Variants in MACROD2 observed in about 807,000 individuals in gnomAD.
MACROD2 encodes mono-ADP ribosylhydrolase 2, also known as ADP-ribose glycohydrolase MACROD2.
MACROD2 carries 36 observed loss-of-function variants against 70.4 expected under a neutral mutation model. The observed-to-expected ratio is 0.51, with a 90% CI of 0.39 to 0.68. The LOEUF (loss-of-function observed/expected upper bound fraction) is 0.68. Among genes scored for constraint, MACROD2 ranks in the 30% least tolerant of loss-of-function variants. The pLI is 0.00. For synonymous variants in MACROD2, 172 were observed against 178.8 expected (o/e 0.96, Z 0.30); for missense variants, 496 against 538.4 (o/e 0.92, Z 0.78).
chr20:14,450,994 G>T (rs1484590548), intron 3 of MACROD2, among the ~76,000 whole-genome samples: 1 of 152,054 alleles, frequency 6.6e-6, no homozygotes, highest in Non-Finnish European at 1.5e-5. Flanking sequence ...GGACTCTTCA[G>T]GAAGATAATG....
At chr20:14,737,529 A>T (rs140577663) in intron 5 of MACROD2, among the ~76,000 whole-genome samples, 3,992 of 152,252 alleles carry the variant, frequency 0.026, 189 homozygotes, top group African/African-American at 0.09. Context: ...GAATCGCCAC[A>T]CTGTCTTCCA....
chr20:14,997,299 C>A (rs1568918377), intron 5 of MACROD2, among the ~76,000 whole-genome samples: 1 of 152,158 alleles, frequency 6.6e-6, no homozygotes. Flanking sequence ...TCTAGATCTA[C>A]CCTGGGCCAG....
intron 5 of MACROD2, among the ~76,000 whole-genome samples, chr20:14,816,536 A>C (rs938923237): frequency 6.6e-6 from 1 of 152,064 alleles, no homozygotes; most frequent in Non-Finnish European, 1.5e-5. Context: ...ATCTGTATAA[A>C]TTGATCACAT....
intron 3 of MACROD2, among the ~76,000 whole-genome samples, chr20:14,485,570 A>G (rs566796670): frequency 0.012 from 1,832 of 151,870 alleles, 23 homozygotes; most frequent in African/African-American, 0.02. Context: ...GCGTGGTGGC[A>G]GGCACCTGTA....
intron 5 of MACROD2, among the ~76,000 whole-genome samples, chr20:15,045,145 G>T (rs930115762): frequency 6.6e-6 from 1 of 152,100 alleles, no homozygotes; most frequent in African/African-American, 2.4e-5. Context: ...GAAAAGAAAA[G>T]AAAAGAAATG....
At chr20:15,172,445 T>C (rs1425876385) in intron 5 of MACROD2, among the ~76,000 whole-genome samples, 2 of 152,238 alleles carry the variant, frequency 1.3e-5, no homozygotes, top group East Asian at 3.8e-4. Flanking sequence ...AACATCCAGT[T>C]GTGCAGTCAT....
chr20:14,346,922 A>G (rs1215193247), intron 3 of MACROD2, among the ~76,000 whole-genome samples: 2 of 152,216 alleles, frequency 1.3e-5, no homozygotes, highest in Non-Finnish European at 2.9e-5. Context: ...AACTTTCCCA[A>G]GTTGGTCTGT....
intron 6 of MACROD2, among the ~76,000 whole-genome samples, chr20:15,271,869 T>C (rs2077349388): frequency 6.6e-6 from 1 of 152,198 alleles, no homozygotes; most frequent in African/African-American, 2.4e-5. Flanking sequence ...CAGGCTCTTG[T>C]TAACAAGAAA....
intron 3 of MACROD2, among the ~76,000 whole-genome samples, chr20:14,473,671 AG>A (rs2084556239): frequency 6.6e-6 from 1 of 152,216 alleles, no homozygotes; most frequent in Admixed American, 6.5e-5. Context: ...ACCTAGAAGT[AG>A]GATTAAAGGA....
chr20:15,522,858 A>T (rs2047671223), intron 8 of MACROD2, among the ~76,000 whole-genome samples: 1 of 152,214 alleles, frequency 6.6e-6, no homozygotes, highest in African/African-American at 2.4e-5. Context: ...TGGATCTAGG[A>T]GACGGAGAGT....
chr20:15,844,666 C>T (rs1467954285), intron 8 of MACROD2, among the ~76,000 whole-genome samples: 1 of 152,112 alleles, frequency 6.6e-6, no homozygotes, highest in African/African-American at 2.4e-5. Context: ...TCCTGGAAAA[C>T]AAGACAATTT....
chr20:14,574,968 G>A (rs1362215059), intron 4 of MACROD2, among the ~76,000 whole-genome samples: 1 of 137,546 alleles, frequency 7.3e-6, no homozygotes, highest in Non-Finnish European at 1.5e-5. Context: ...CCGAGATTGC[G>A]CCACTGCAGT....
intron 5 of MACROD2, among the ~76,000 whole-genome samples, chr20:14,900,910 C>G (rs1600793231): frequency 6.6e-6 from 1 of 152,066 alleles, no homozygotes; most frequent in South Asian, 2.1e-4. Flanking sequence ...CTCTGAAATA[C>G]TAGAAAATTG....
chr20:15,984,525 CAT>C (rs2066449114), intron 13 of MACROD2, among the ~76,000 whole-genome samples: 1 of 152,004 alleles, frequency 6.6e-6, no homozygotes, highest in Non-Finnish European at 1.5e-5. Flanking sequence ...AATTTTTCAA[CAT>C]GTCTTAACTT....
At chr20:15,855,171 G>A (rs1194089153) in intron 8 of MACROD2, among the ~76,000 whole-genome samples, 2 of 152,190 alleles carry the variant, frequency 1.3e-5, no homozygotes, top group East Asian at 3.8e-4. Context: ...GCTGCCCTAT[G>A]ACTGGTGGCT....
At chr20:14,554,539 A>G (rs1568667834) in intron 4 of MACROD2, 1 of 152,154 alleles carries the variant, frequency 6.6e-6, no homozygotes, top group Non-Finnish European at 1.5e-5. Flanking sequence ...CTGTAGGCCA[A>G]AACAGTAGAA....
intron 7 of MACROD2, among the ~76,000 whole-genome samples, chr20:15,449,927 AGGTTTCAGT>A (rs1211518097): frequency 1.3e-5 from 2 of 152,216 alleles, no homozygotes; most frequent in Non-Finnish European, 2.9e-5. Context: ...TGGGAGGCAG[AGGTTTCAGT>A]GAGAGCAAAG....
intron 5 of MACROD2, among the ~76,000 whole-genome samples, chr20:14,982,537 G>A (rs2074810256): frequency 6.6e-6 from 1 of 152,176 alleles, no homozygotes; most frequent in Admixed American, 6.5e-5. Context: ...GTGCAGCCTA[G>A]GGACTTGGTG....
At chr20:14,469,428 G>A in intron 3 of MACROD2, among the ~76,000 whole-genome samples, 1 of 152,038 alleles carries the variant, frequency 6.6e-6, no homozygotes, top group Non-Finnish European at 1.5e-5. Context: ...TTCTCGGGGA[G>A]TATCTTTGTG....
Sources: allele counts gnomAD v4.1 joint callset (sites outside exome capture counted in the v4.1 genomes callset), GRCh38; gene constraint gnomAD v4.1.1; transcripts MANE v1.5; gene names NCBI Gene and HGNC (gene_info 2026-07-23, HGNC 2026-07-21).